The following ZNF790 variants were observed in gnomAD, a reference collection of about 807,000 sequenced individuals.
ZNF790 encodes the protein zinc finger protein 790.
ZNF790 carries 8 observed loss-of-function variants against 12.1 expected under a neutral mutation model. The observed-to-expected ratio is 0.66, with a 90% CI of 0.39 to 1.19. The LOEUF is 1.19. Among genes scored for constraint, ZNF790 ranks in the 50% most tolerant of loss-of-function variants. The pLI is 0.01. For synonymous variants in ZNF790, 252 were observed against 244.3 expected (o/e 1.03, Z -0.29); for missense variants, 707 against 752.2 (o/e 0.94, Z 0.70).
At chr19:36,825,493 C>T (rs983156130) in intron 2 of ZNF790, 118 bp downstream of exon 2, 17 of 1,092,302 alleles carry the variant, frequency 1.6e-5, no homozygotes, top group Admixed American at 3.4e-5. Context: ...GTTTCACAGT[C>T]ATTACTTATG....
intron 1 of ZNF790, among the ~76,000 whole-genome samples, chr19:36,830,133 C>T (rs571788315): frequency 9.5e-4 from 144 of 152,260 alleles, no homozygotes; most frequent in African/African-American, 3.3e-3. Context: ...AGAGGGAAGA[C>T]ATCCAGTCTT....
Position 36,819,771 on chromosome 19 carries a change from A to T in ZNF790, c.573T>A (p.Ile191=), listed in dbSNP as rs181228446. 1.9e-6 allele frequency: 3 copies of T among 1,613,104 alleles called. No homozygotes were observed. The highest frequency in any genetic ancestry group is 2.5e-6 in the Non-Finnish European group (3 of 1,179,628). Residue 191 remains isoleucine (I), a synonymous_variant, in exon 5 of 5, where the codon ATT becomes ATA. Coordinates refer to ENST00000356725, the MANE Select transcript of ZNF790 (RefSeq NM_206894.4). ...CTCCACAGAATTTCTCACTTGTGTG[A>T]ATTAACTGATGTTGAGTATGATCTG... is the stretch of plus-strand genomic sequence containing the variant. The part of the protein sequence containing the change: ...SGSDHTQHQL[I]HTSEKFCGDK...
intron 1 of ZNF790, among the ~76,000 whole-genome samples, chr19:36,827,107 T>TACACACACACACACACACACACACAC (rs1332063417): frequency 1.0e-5 from 1 of 95,734 alleles, no homozygotes; most frequent in African/African-American, 3.8e-5. Context: ...TGTGTGTATA[T>TACACACACACACACACACACACACAC]ATATACACAT....
chr19:36,847,015 G>T, intron 1 of ZNF790, among the ~76,000 whole-genome samples: 1 of 151,408 alleles, frequency 6.6e-6, no homozygotes, highest in East Asian at 1.9e-4. Flanking sequence ...TTGGTTCATG[G>T]GTCCTAAAAC....
At chr19:36,833,226 TC>T (rs2071977238) in intron 1 of ZNF790, among the ~76,000 whole-genome samples, 1 of 152,212 alleles carries the variant, frequency 6.6e-6, no homozygotes, top group Admixed American at 6.5e-5. Context: ...CACTGCAACT[TC>T]CGCCTCCCGG....
intron 1 of ZNF790, among the ~76,000 whole-genome samples, chr19:36,846,489 G>A (rs1458129294): frequency 2.6e-5 from 4 of 152,116 alleles, no homozygotes; most frequent in African/African-American, 4.8e-5. Context: ...TCTTGAACCC[G>A]GGAAGCGGAG....
chr19:36,823,910 C>T (rs537404930), intron 2 of ZNF790, 120 bp from the exon 3 acceptor site: 39 of 817,746 alleles, frequency 4.8e-5, no homozygotes, highest in African/African-American at 1.5e-4. Flanking sequence ...ATATATTGGG[C>T]GAAAAACTGG....
chr19:36,820,024 C>G lies in ZNF790; in HGVS notation c.320G>C (p.Cys107Ser). 6.2e-7 allele frequency: 1 copy of G among 1,613,528 alleles called. No homozygotes were observed. The highest frequency in any genetic ancestry group is 2.2e-5 in the East Asian group (1 of 44,870). Residue 107 changes from cysteine to serine, a missense_variant, in exon 5 of 5, where the codon TGT becomes TCT. By Grantham distance (112) the Cys-to-Ser change is moderately radical (BLOSUM62 -1). Coordinates refer to ENST00000356725, the MANE Select transcript of ZNF790 (RefSeq NM_206894.4). ...EIAQLEIMRICKNHSLDCLCF... is the reference protein window; with the variant it reads ...EIAQLEIMRISKNHSLDCLCF... ...TAAACAGTCAAGGCTGTGGTTTTTA[C>G]AAATTCTCATTATTTCCAATTGGGC...
chr19:36,840,514 TTGGGGGC>T (rs2072121487), upstream of ZNF790, among the ~76,000 whole-genome samples: 1 of 152,136 alleles, frequency 6.6e-6, no homozygotes, highest in South Asian at 2.1e-4. Flanking sequence ...TATGTTTTTA[TTGGGGGC>T]TGGTCACATA....
In ZNF790 at chr19:36,823,733, C is replaced by G. The variant is rs1012170975; in HGVS notation, c.67G>C (p.Asp23His). 2 of 1,613,496 alleles carry G rather than the reference C, an allele frequency of 1.2e-6. No homozygotes were observed. Among genetic ancestry groups the G allele is most frequent in the African/African-American group, 2.7e-5 (2 of 74,998 alleles). ...CTATATAAATCCCTCTGTTCCAGGT[C>G]CAGGCACTCCCACTCCTCCTGAGAG... ...DFSQEEWECL[D>H]LEQRDLYRDV... Residue 23 changes from aspartate to histidine, a missense_variant, in exon 3 of 5, where the codon GAC (aspartate) becomes CAC (histidine). Transcript: ENST00000356725.
intron 1 of ZNF790, among the ~76,000 whole-genome samples, chr19:36,832,029 A>G (rs1468403380): frequency 6.6e-6 from 1 of 152,174 alleles, no homozygotes; most frequent in Non-Finnish European, 1.5e-5. Flanking sequence ...TATACTTGTG[A>G]AAAAAACAAA....
At chr19:36,843,593 T>C (rs2072149192) in intron 1 of ZNF790, among the ~76,000 whole-genome samples, 2 of 152,094 alleles carry the variant, frequency 1.3e-5, no homozygotes, top group South Asian at 4.1e-4. Context: ...AAGGAAAGGA[T>C]GAATTCTCTA....
chr19:36,835,157 C>T (rs1356879308), intron 1 of ZNF790, among the ~76,000 whole-genome samples: 2 of 152,108 alleles, frequency 1.3e-5, no homozygotes, highest in African/African-American at 2.4e-5. Context: ...GGCATGTTGG[C>T]GCATGCCTGT....
chr19:36,823,771 A>G lies in ZNF790; in HGVS notation c.29T>C (p.Val10Ala), dbSNP rs759349117. The change falls in exon 3 of 5, where the codon GTG (valine) becomes GCG (alanine). Residue 10 changes from valine (V) to alanine (A), a missense_variant. Val to Ala is a moderately conservative substitution (Grantham distance 64, BLOSUM62 0). Coordinates refer to ENST00000356725, the MANE Select transcript of ZNF790 (RefSeq NM_206894.4). ...CTCCTCCTGAGAGAAATCTACAGCC[A>G]CATCCCTGAACATCATCAACTGTTG... MAHLMMFRD[V>A]AVDFSQEEWE... 5.0e-6 allele frequency: 8 copies of G among 1,603,310 alleles called. No homozygotes were observed. In the East Asian group the frequency reaches 8.9e-5, roughly 18 times the overall value.
intron 1 of ZNF790, among the ~76,000 whole-genome samples, chr19:36,835,368 T>C (rs937520187): frequency 6.6e-6 from 1 of 152,312 alleles, no homozygotes; most frequent in Middle Eastern, 3.4e-3. Context: ...AAAGTAAGTA[T>C]AGACTGACCA....
At chr19:36,843,106 A>G (rs910439130), upstream of ZNF790, among the ~76,000 whole-genome samples, 5 of 152,074 alleles carry the variant, frequency 3.3e-5, no homozygotes, top group African/African-American at 9.7e-5. Context: ...GTGCAGCCAC[A>G]TTTTTCCTGG....
chr19:36,827,167 T>TATATATATAC (rs2071839942), intron 1 of ZNF790, among the ~76,000 whole-genome samples: 2 of 133,448 alleles, frequency 1.5e-5, no homozygotes, highest in African/African-American at 5.6e-5. Flanking sequence ...TATATATATA[T>TATATATATAC]ATATATATAT....
chr19:36,839,817 C>A (rs777620918), upstream of ZNF790, among the ~76,000 whole-genome samples: 22 of 151,910 alleles, frequency 1.4e-4, no homozygotes, highest in Non-Finnish European at 2.8e-4. Context: ...AATCCCAGCA[C>A]TTTGGGAGGC....
intron 1 of ZNF790, among the ~76,000 whole-genome samples, chr19:36,826,452 G>A (rs563169264): frequency 6.9e-4 from 105 of 151,320 alleles, no homozygotes; most frequent in African/African-American, 2.3e-3. Flanking sequence ...GCATGGTGGC[G>A]CATCCCTGTA....
Sources: allele counts gnomAD v4.1 joint callset (sites outside exome capture counted in the v4.1 genomes callset), GRCh38; gene constraint gnomAD v4.1.1; transcripts MANE v1.5; gene names NCBI Gene and HGNC (gene_info 2026-07-23, HGNC 2026-07-21).